The following COL5A3 variants were observed in gnomAD, a reference collection of about 807,000 sequenced individuals.
COL5A3 encodes the protein collagen type V alpha 3 chain, also known as collagen alpha-3(V) chain.
A neutral mutation model predicts 250.0 loss-of-function variants in COL5A3; 172 were observed. That is an observed-to-expected ratio of 0.69 (90% CI 0.61 to 0.78). The LOEUF (loss-of-function observed/expected upper bound fraction) is 0.78. Among genes scored for constraint, COL5A3 ranks in the 30% least tolerant of loss-of-function variants. The pLI is 0.00. For synonymous variants in COL5A3, 937 were observed against 900.4 expected (o/e 1.04, Z -0.73); for missense variants, 2,340 against 2,334.4 (o/e 1.00, Z -0.05).
intron 31 of COL5A3, among the ~76,000 whole-genome samples, chr19:9,985,597 C>G (rs1015244036): frequency 6.6e-6 from 1 of 151,932 alleles, no homozygotes; most frequent in African/African-American, 2.4e-5. Flanking sequence ...ATAGGGACCA[C>G]GTTTTGCCAC....
intron 11 of COL5A3, 156 bp from the exon 12 acceptor site, chr19:9,996,845 G>A (rs1483482079): frequency 1.7e-6 from 1 of 601,770 alleles, no homozygotes; most frequent in Admixed American, 3.4e-5. Flanking sequence ...AGGAAAGAGA[G>A]AGAAGTAGAG....
intron 64 of COL5A3, among the ~76,000 whole-genome samples, chr19:9,966,007 A>G (rs879721359): frequency 8.7e-5 from 13 of 149,456 alleles, no homozygotes; most frequent in Admixed American, 8.6e-4. Context: ...CAGTTTTTTA[A>G]TTCTTGTAGA....
intron 1 of COL5A3, among the ~76,000 whole-genome samples, chr19:10,010,055 GCA>G (rs1482060201): frequency 6.6e-6 from 1 of 151,882 alleles, no homozygotes; most frequent in Non-Finnish European, 1.5e-5. Flanking sequence ...GCACACACCT[GCA>G]CATTGCATGC....
At chr19:9,993,565 G>T (rs1224142060) in intron 18 of COL5A3, 54 bp downstream of exon 18, 2 of 1,595,448 alleles carry the variant, frequency 1.3e-6, no homozygotes, top group Non-Finnish European at 1.7e-6. Flanking sequence ...AGTTGGGGGG[G>T]CTTGAATATT....
intron 45 of COL5A3, among the ~76,000 whole-genome samples, chr19:9,974,766 G>T (rs1345880595): frequency 6.6e-6 from 1 of 152,080 alleles, no homozygotes; most frequent in Non-Finnish European, 1.5e-5. Context: ...GGTCAGAGTT[G>T]GGGTTAAGGA....
rs148658694 is a variant in COL5A3 at position 9,962,880 on chromosome 19, A to G, written c.4790T>C (p.Leu1597Ser). Residue 1597 changes from leucine (L) to serine (S), a missense_variant, in exon 65 of 67, where the codon TTG becomes TCG. By Grantham distance (145) the Leu-to-Ser change is moderately radical (BLOSUM62 -2). This residue lies in a region of COL5A3 where 1,179 missense variants were observed against 1,162.6 expected (regional missense o/e 1.01). Coordinates refer to ENST00000264828, the MANE Select transcript of COL5A3 (RefSeq NM_015719.4). ...YPDKKFEIVKLASWSKEKPGG... is the reference protein window; with the variant it reads ...YPDKKFEIVKSASWSKEKPGG... ...AGGCTTTTCCTTGGACCAGGAGGCC[A>G]ATTTCACCTGGAAGAGAAAAGGGAG... The G allele has an allele frequency of 6.2e-6, 10 of 1,609,170 alleles. No homozygotes were observed. In the East Asian group the frequency reaches 1.1e-4, roughly 18 times the overall value.
At chr19:9,962,296 T>C (rs1394210708) in intron 65 of COL5A3, among the ~76,000 whole-genome samples, 2 of 151,932 alleles carry the variant, frequency 1.3e-5, no homozygotes, top group African/African-American at 4.8e-5. Context: ...TTAGCAGAGA[T>C]GGGGTTTTAC....
chr19:9,977,393 G>A lies in COL5A3; in HGVS notation c.3206C>T (p.Ala1069Val), dbSNP rs760856883. The A allele has an allele frequency of 6.3e-7, 1 of 1,575,898 alleles. No individual in the cohort carries two copies. The highest frequency in any genetic ancestry group is 2.3e-5 in the East Asian group (1 of 44,392). ...PLGPLGPPGA[A>V]GPSGEEGDKG... ...GTCCCCTTCCTCGCCAGAAGGCCCA[G>A]CAGCTCCAGGGGGTCCCAGAGGCCC... The change falls in exon 43 of 67, where the codon GCT becomes GTT. Residue 1069 changes from alanine to valine, a missense_variant. By Grantham distance (64) the Ala-to-Val change is moderately conservative. Transcript: ENST00000264828.
chr19:9,973,129 G>A, intron 50 of COL5A3, 103 bp from the exon 51 acceptor site: 1 of 1,076,840 alleles, frequency 9.3e-7, no homozygotes, highest in South Asian at 1.6e-5. Flanking sequence ...ACTTTTCTGG[G>A]GTCAGGGTTC....
chr19:9,970,018 G>C, intron 54 of COL5A3, 96 bp from the exon 55 acceptor site: 1 of 837,392 alleles, frequency 1.2e-6, no homozygotes, highest in South Asian at 1.4e-5. Flanking sequence ...GGATGAGTGG[G>C]GTCTGTAAGG....
At chr19:9,967,760 A>G (rs989627111) in intron 61 of COL5A3, 144 bp downstream of exon 61, 8 of 781,874 alleles carry the variant, frequency 1.0e-5, no homozygotes, top group African/African-American at 7.1e-5. Context: ...ATGAAATACA[A>G]CCGTAGGTGT....
intron 32 of COL5A3, among the ~76,000 whole-genome samples, chr19:9,981,745 CCCA>C (rs1346440760): frequency 6.6e-6 from 1 of 152,216 alleles, no homozygotes; most frequent in East Asian, 1.9e-4. Context: ...CACATTTATG[CCCA>C]CCATCATGCA....
intron 19 of COL5A3, 134 bp downstream of exon 19, chr19:9,993,246 C>G (rs1185086454): frequency 8.8e-7 from 1 of 1,141,642 alleles, no homozygotes; most frequent in African/African-American, 1.5e-5. Context: ...ACCTGCAAGT[C>G]TCACCTCCTC....
intron 20 of COL5A3, 47 bp from the exon 21 acceptor site, chr19:9,992,927 A>G: frequency 6.2e-7 from 1 of 1,610,656 alleles, no homozygotes. Context: ...CTGTGTGGCC[A>G]TGTGAGCTCT....
At chr19:9,995,356 G>T (rs1274468003) in intron 16 of COL5A3, among the ~76,000 whole-genome samples, 1 of 152,182 alleles carries the variant, frequency 6.6e-6, no homozygotes, top group Non-Finnish European at 1.5e-5. Flanking sequence ...AGATCTCAGG[G>T]CAAGCATCAC....
chr19:9,996,903 G>C, intron 11 of COL5A3: 1 of 565,440 alleles, frequency 1.8e-6, no homozygotes, highest in East Asian at 3.1e-5. Context: ...AAAGAGAAGG[G>C]GAGAGAGGGA....
At chr19:9,999,464 T>TTTTTC (rs886570537) in intron 8 of COL5A3, among the ~76,000 whole-genome samples, 4 of 123,204 alleles carry the variant, frequency 3.2e-5, no homozygotes, top group African/African-American at 1.5e-4. Flanking sequence ...CTTTTTTTCT[T>TTTTTC]TTTTCTTTTT....
At chr19:10,003,393 T>C (rs532672791) in intron 6 of COL5A3, among the ~76,000 whole-genome samples, 172 bp downstream of exon 6, 8 of 150,830 alleles carry the variant, frequency 5.3e-5, no homozygotes, top group African/African-American at 1.2e-4. Context: ...ATCAGTCAGC[T>C]GAGAGAAGTC....
chr19:9,985,971 G>T, intron 30 of COL5A3, 76 bp from the exon 31 acceptor site: 3 of 1,373,958 alleles, frequency 2.2e-6, no homozygotes, highest in Non-Finnish European at 3.1e-6. Context: ...GCTGGCTGGG[G>T]CATGGTGAAT....
Sources: allele counts gnomAD v4.1 joint callset (sites outside exome capture counted in the v4.1 genomes callset), GRCh38; gene constraint gnomAD v4.1.1; regional missense constraint gnomAD v4.1.1; transcripts MANE v1.5; gene names NCBI Gene and HGNC (gene_info 2026-07-23, HGNC 2026-07-21).